RORC: variants seen among roughly 807,000 people sequenced by gnomAD.
The protein encoded by RORC is RAR related orphan receptor C.
A neutral mutation model predicts 64.5 loss-of-function variants in RORC; 13 were observed. The observed-to-expected ratio is 0.20, with a 90% CI of 0.13 to 0.32. The LOEUF is 0.32. RORC is among the 10% of genes least tolerant of loss of function. The pLI is 1.00. For synonymous variants in RORC, 277 were observed against 259.3 expected, an observed-to-expected ratio of 1.07 and a Z score of -0.65; for missense variants, 468 against 669.5, an observed-to-expected ratio of 0.70 and a Z score of 3.32.
chr1:151,820,495 G>A (rs1651945985), intron 2 of RORC, among the ~76,000 whole-genome samples: 1 of 152,066 alleles, frequency 6.6e-6, no homozygotes, highest in Non-Finnish European at 1.5e-5. Flanking sequence ...GCCAAGCAAA[G>A]GTCAGGAACC....
Position 151,830,849 on chromosome 1 carries a change from C to T in RORC, c.40+876G>A. On this transcript the variant is annotated intron_variant, in intron 1 of 10. Transcript: ENST00000318247. The surrounding 1 kb of genome is among the most constrained non-coding windows in gnomAD (Gnocchi z 4.0). ...CCTGCCTGGCCCCACCCAGCTTCCT[C>T]CCTGACGTGGCACCGGCTCCTGGCC... The T allele has an allele frequency of 2.1e-6, 2 of 933,766 alleles. No homozygotes were observed. The highest frequency in any genetic ancestry group is 2.9e-6 in the Non-Finnish European group (2 of 696,016). 57.8% of individuals were successfully genotyped at this position (933,766 alleles called of 1,614,324 possible). A position where few individuals can be genotyped will look rare whatever the true frequency, so the allele number is the denominator to read the frequency against.
At position 151,822,179 on chromosome 1, in the gene RORC, T is replaced by A. The variant is rs1252751100; in HGVS notation, c.71-4899A>T. On this transcript the variant is annotated intron_variant, in intron 2 of 10. Transcript: ENST00000318247. ...ATCCCCACCGAGACCACAGCTCCGG[T>A]CAGGGGTCACTTGCACACCCCAACC... is the stretch of plus-strand genomic sequence containing the variant. Among the ~76,000 whole-genome samples the A allele has an allele frequency of 2.7e-5, 4 of 148,232 alleles. No individual in the cohort carries two copies. In the East Asian group the frequency reaches 8.0e-4, roughly 30 times the overall value.
rs1369059555 is a variant in RORC, at chr1:151,813,546, C to T, written c.1008G>A (p.Lys336=). The T allele has an allele frequency of 6.2e-7, 1 of 1,614,186 alleles. No individual in the cohort carries two copies. Among genetic ancestry groups the T allele is most frequent in the East Asian group, 2.2e-5 (1 of 44,866 alleles). Reference sequence around the variant, plus strand: ...AGAGCTCCATAAAGCCTGAGAGCCTCTTGGCGAACTCCACCACGTACTGAA... The same window carrying T: ...AGAGCTCCATAAAGCCTGAGAGCCTTTTGGCGAACTCCACCACGTACTGAA... ...EAIQYVVEFA[K]RLSGFMELCQ... The change falls in exon 7 of 11, where the codon AAG becomes AAA. Residue 336 remains lysine (K), a synonymous_variant. Coordinates refer to ENST00000318247, the MANE Select transcript of RORC (RefSeq NM_005060.4).
intron 2 of RORC, among the ~76,000 whole-genome samples, chr1:151,818,775 G>A (rs904430306): frequency 6.6e-5 from 10 of 152,184 alleles, no homozygotes; most frequent in African/African-American, 2.4e-4. Context: ...CTCTCTGGAG[G>A]GCGAATGCAC....
In RORC at chr1:151,830,911, G is replaced by C; in HGVS notation, c.40+814C>G. ...ACCTCAGAGCAGTCCTGTGGTGGGG[G>C]TGCTCCCCTTGCTCACCCAGGCAGC... On this transcript the variant is annotated intron_variant, in intron 1 of 10. Coordinates refer to ENST00000318247, the MANE Select transcript of RORC (RefSeq NM_005060.4). The surrounding 1 kb of genome is among the most constrained non-coding windows in gnomAD (Gnocchi z 4.0). 1 of 1,284,400 alleles carries C rather than the reference G, an allele frequency of 7.8e-7. No individual in the cohort carries two copies. Among genetic ancestry groups the C allele is most frequent in the Non-Finnish European group, 1.0e-6 (1 of 985,748 alleles). The allele number at this position is 1,284,400 out of a possible 1,614,324, so 79.6% of individuals were successfully genotyped here. A position where few individuals can be genotyped will look rare whatever the true frequency, so the allele number is the denominator to read the frequency against.
Position 151,815,217 on chromosome 1 carries a change from A to G in RORC, c.507T>C (p.Ala169=). The G allele has an allele frequency of 6.2e-7, 1 of 1,613,508 alleles. No individual in the cohort carries two copies. Among genetic ancestry groups the G allele is most frequent in the Non-Finnish European group, 8.5e-7 (1 of 1,179,596 alleles). The change falls in exon 5 of 11, where the codon GCT becomes GCC. Residue 169 remains alanine, a synonymous_variant. Transcript: ENST00000318247. ...TCAGGAGGCCAGGGGGACAGGCAGA[A>G]GCCTCAGGCAGGTCAGGCGAGGAGC... ...PLGSSPDLPE[A]SACPPGLLKA... is the part of the protein sequence containing the mutation.
At chr1:151,812,270 C>A (rs1396974836) in intron 9 of RORC, 1 of 152,212 alleles carries the variant, frequency 6.6e-6, no homozygotes, top group African/African-American at 2.4e-5. Context: ...AAGCCACTTG[C>A]ATTCAGTAGA....
chr1:151,811,423 G>T lies in RORC; in HGVS notation c.1297C>A (p.Leu433Ile), dbSNP rs200235475. The part of the protein sequence containing the change: ...LVLINAHRPG[L>I]QEKRKVEQLQ... ...TGTTCTACTTTCCTTTTCTCTTGGAGCCCTGGCCGATCTGGAGGAGGGGGT... is the reference window on the plus strand; with the variant it reads ...TGTTCTACTTTCCTTTTCTCTTGGATCCCTGGCCGATCTGGAGGAGGGGGT... The change falls in exon 10 of 11, where the codon CTC becomes ATC. Residue 433 changes from leucine to isoleucine, a missense_variant. By Grantham distance (5) the Leu-to-Ile change is conservative. Coordinates refer to ENST00000318247, the MANE Select transcript of RORC (RefSeq NM_005060.4). The T allele has an allele frequency of 6.2e-7, 1 of 1,612,100 alleles. No individual in the cohort carries two copies. The highest frequency in any genetic ancestry group is 8.5e-7 in the Non-Finnish European group (1 of 1,178,452).
rs59443678 is a variant in RORC, at chr1:151,830,659, C to CACACACACACACACACACAT, written c.40+1065_40+1066insATGTGTGTGTGTGTGTGTGT. On this transcript the variant is annotated intron_variant, in intron 1 of 10. Coordinates refer to ENST00000318247, the MANE Select transcript of RORC (RefSeq NM_005060.4). This position sits in a 1 kb window ranked among gnomAD's most constrained non-coding sequence, Gnocchi z 4.0. ...ACACACACACACACACACACACACACACAGTGCCCTTCTGCCCGGGAGATG... is the reference window on the plus strand; with the variant it reads ...ACACACACACACACACACACACACACACACACACACACACACACATACAGTGCCCTTCTGCCCGGGAGATG... Among the ~76,000 whole-genome samples, 2,105 of 139,116 alleles carry CACACACACACACACACACAT rather than the reference C, an allele frequency of 0.015. 111 individuals are homozygous for CACACACACACACACACACAT. The highest frequency in any genetic ancestry group is 0.027 in the Middle Eastern group (7 of 260). 91.3% of individuals were successfully genotyped at this position (139,116 alleles called of 152,430 possible).
chr1:151,819,884 C>T (rs1252536069), intron 2 of RORC, among the ~76,000 whole-genome samples: 1 of 152,148 alleles, frequency 6.6e-6, no homozygotes, highest in Non-Finnish European at 1.5e-5. Context: ...CCTCCATCCT[C>T]CCAGTCCAAG....
chr1:151,808,137 A>G (rs531921621), intron 10 of RORC, among the ~76,000 whole-genome samples: 1 of 152,230 alleles, frequency 6.6e-6, no homozygotes, highest in African/African-American at 2.4e-5. Flanking sequence ...AAATGGTCCA[A>G]TTTGTCTGCC....
chr1:151,825,637 GCT>G lies in RORC; in HGVS notation c.70+3790_70+3791del, dbSNP rs748620422. Among the ~76,000 whole-genome samples, 8 of 152,126 alleles carry G rather than the reference GCT, an allele frequency of 5.3e-5. No individual in the cohort carries two copies. The South Asian group carries it at 1.5e-3, about 28-fold the overall frequency. Reference sequence around the variant, plus strand: ...TTGGGCCAAGTACGCGGCCTCCTTGGCTCTCAGTCTTTTTGTAAAATTAAGGG... The same window carrying G: ...TTGGGCCAAGTACGCGGCCTCCTTGGCTCAGTCTTTTTGTAAAATTAAGGG... On this transcript the variant is annotated intron_variant, in intron 2 of 10. Transcript: ENST00000318247.
chr1:151,813,333 C>T lies in RORC; in HGVS notation c.1080G>A (p.Val360=). The T allele has an allele frequency of 1.2e-6, 2 of 1,614,154 alleles. No homozygotes were observed. The highest frequency in any genetic ancestry group is 2.7e-5 in the African/African-American group (2 of 75,046). The change falls in exon 8 of 11, where the codon GTG becomes GTA. Residue 360 remains valine, a synonymous_variant. Transcript: ENST00000318247. The part of the protein sequence containing the change: ...IVLLKAGAME[V]VLVRMCRAYN... ...AGGCCCGGCACATCCTAACCAGCAC[C>T]ACTTCCATTGCTCCTGGGCAGTGGG...
intron 2 of RORC, among the ~76,000 whole-genome samples, chr1:151,828,799 T>C (rs1012673234): frequency 6.6e-6 from 1 of 152,040 alleles, no homozygotes; most frequent in African/African-American, 2.4e-5. Flanking sequence ...ACCAACATGG[T>C]GAAACCCCGT....
chr1:151,818,493 C>T (rs1031785096), intron 2 of RORC, among the ~76,000 whole-genome samples: 1 of 152,148 alleles, frequency 6.6e-6, no homozygotes, highest in Non-Finnish European at 1.5e-5. Flanking sequence ...TCAATGCCCA[C>T]GACTCTCTGC....
At chr1:151,827,487 C>T (rs894420397) in intron 2 of RORC, among the ~76,000 whole-genome samples, 5 of 152,156 alleles carry the variant, frequency 3.3e-5, no homozygotes, top group Non-Finnish European at 7.3e-5. Flanking sequence ...CAGGGCCCCT[C>T]AGTATTCAGG....
chr1:151,812,931 G>A lies in RORC; in HGVS notation c.1285+16C>T. Reference sequence around the variant, plus strand: ...TGCCACCTGAATGTCCTTCACCCAAGCCCAGCAACACTCACGGGCATTGAT... The same window carrying A: ...TGCCACCTGAATGTCCTTCACCCAAACCCAGCAACACTCACGGGCATTGAT... On this transcript the variant is annotated intron_variant, in intron 9 of 10. Coordinates refer to ENST00000318247, the MANE Select transcript of RORC (RefSeq NM_005060.4). 6.4e-7 allele frequency: 1 copy of A among 1,551,554 alleles called. No individual in the cohort carries two copies.
At chr1:151,809,552 A>AG (rs1397855762) in intron 10 of RORC, among the ~76,000 whole-genome samples, 1 of 152,112 alleles carries the variant, frequency 6.6e-6, no homozygotes, top group Non-Finnish European at 1.5e-5. Context: ...CTCAGTTAGG[A>AG]GGCCTCTCTT....
At chr1:151,808,180 G>A (rs1651388429) in intron 10 of RORC, among the ~76,000 whole-genome samples, 1 of 152,186 alleles carries the variant, frequency 6.6e-6, no homozygotes, top group South Asian at 2.1e-4. Context: ...CTTGGCTGAG[G>A]TCTCTCTTTC....
Sources: gnomAD v4.1 joint callset for allele counts (sites outside exome capture counted in the v4.1 genomes callset) on GRCh38, gnomAD v4.1.1 for gene constraint, Gnocchi (gnomAD v3.1) non-coding constraint, MANE v1.5 for transcripts, NCBI Gene and HGNC (gene_info 2026-07-23, HGNC 2026-07-21) for gene names.